Variants in TOM1L2 observed in about 807,000 individuals in gnomAD.
TOM1L2 encodes the protein TOM1-like protein 2.
Under a neutral mutation model 67.9 loss-of-function variants are expected in TOM1L2, and 31 were observed. The observed-to-expected ratio is 0.46, with a 90% CI of 0.34 to 0.62. TOM1L2 has a LOEUF of 0.62. TOM1L2 is among the 20% of genes least tolerant of loss of function. The probability of loss-of-function intolerance (pLI) is 0.01; values close to 1 mark genes in which losing one functional copy is unlikely to be tolerated. For synonymous variants in TOM1L2, 256 were observed against 254.0 expected, an observed-to-expected ratio of 1.01 and a Z score of -0.07; for missense variants, 606 against 663.5, an observed-to-expected ratio of 0.91 and a Z score of 0.95.
chr17:17,862,428 C>T, intron 11 of TOM1L2: 1 of 259,936 alleles, frequency 3.8e-6, no homozygotes, highest in South Asian at 6.8e-5. Flanking sequence ...AGGGTGGTGT[C>T]TGCAGCAGCA....
At chr17:17,948,741 C>G (rs973439787) in intron 1 of TOM1L2, among the ~76,000 whole-genome samples, 6 of 152,126 alleles carry the variant, frequency 3.9e-5, no homozygotes, top group Admixed American at 3.9e-4. Flanking sequence ...TCAGTTCACA[C>G]CCCCTCTTGC....
chr17:17,847,558 G>T lies in TOM1L2; in HGVS notation c.*77C>A. 2 of 1,523,486 alleles carry T rather than the reference G, an allele frequency of 1.3e-6. No homozygotes were observed. The highest frequency in any genetic ancestry group is 8.8e-7 in the Non-Finnish European group (1 of 1,137,532). 94.4% of individuals were successfully genotyped at this position (1,523,486 alleles called of 1,614,324 possible). A position where few individuals can be genotyped will look rare whatever the true frequency, so the allele number is the denominator to read the frequency against. ...GTGCAGGCCGTGTGGAGCTGGGGAT[G>T]TAGGAGTGGCCAGTGCCCGGTGTCC... is the stretch of plus-strand genomic sequence containing the variant. On this transcript the variant is annotated 3_prime_UTR_variant, in exon 15 of 15. Transcript: ENST00000379504.
intron 1 of TOM1L2, among the ~76,000 whole-genome samples, chr17:17,908,615 A>T (rs79905157): frequency 0.025 from 3,777 of 152,310 alleles, 131 homozygotes; most frequent in African/African-American, 0.08. Flanking sequence ...ATCCAATTAA[A>T]AAATGGGAAA....
At chr17:17,937,391 C>T (rs748251469) in intron 1 of TOM1L2, among the ~76,000 whole-genome samples, 2 of 152,216 alleles carry the variant, frequency 1.3e-5, no homozygotes, top group Non-Finnish European at 2.9e-5. Flanking sequence ...GAATAACCAG[C>T]CATGATCAAT....
Position 17,892,548 on chromosome 17 carries a change from T to C in TOM1L2, c.366+1113A>G, listed in dbSNP as rs539605716. 1.1e-3 allele frequency among the ~76,000 whole-genome samples: 163 copies of C among 152,256 alleles called. 2 individuals are homozygous for C. Among genetic ancestry groups the C allele is most frequent in the South Asian group, 5.2e-3 (25 of 4,820 alleles). ...TTCCCACTGCCTACAGGACCAAGCATGCCTCCTCAGCATGCATGGCCACTG... is the reference window on the plus strand; with the variant it reads ...TTCCCACTGCCTACAGGACCAAGCACGCCTCCTCAGCATGCATGGCCACTG... On this transcript the variant is annotated intron_variant, in intron 4 of 14. Coordinates refer to ENST00000379504, the MANE Select transcript of TOM1L2 (RefSeq NM_001082968.2).
intron 1 of TOM1L2, among the ~76,000 whole-genome samples, chr17:17,933,027 G>A (rs942406377): frequency 2.6e-5 from 4 of 152,072 alleles, no homozygotes; most frequent in East Asian, 1.9e-4. Flanking sequence ...ACTAACAGTC[G>A]TTTAAACAGA....
At chr17:17,861,763 G>C (rs2036572119) in intron 11 of TOM1L2, 1 of 522,342 alleles carries the variant, frequency 1.9e-6, no homozygotes. Flanking sequence ...TCCTAGCTCA[G>C]GCTGAGCCAC....
At chr17:17,959,740 A>G (rs1364116409) in intron 1 of TOM1L2, among the ~76,000 whole-genome samples, 1 of 152,158 alleles carries the variant, frequency 6.6e-6, no homozygotes, top group Non-Finnish European at 1.5e-5. Context: ...AAGACAGCCC[A>G]ATTCTCTGAG....
intron 9 of TOM1L2, among the ~76,000 whole-genome samples, 172 bp from the exon 10 acceptor site, chr17:17,866,591 T>G (rs2036863307): frequency 6.6e-6 from 1 of 152,182 alleles, no homozygotes; most frequent in Non-Finnish European, 1.5e-5. Flanking sequence ...TGGGCCTGGA[T>G]GTCAGTGAGC....
chr17:17,925,682 CAAAAAAAA>C (rs1193121320), intron 1 of TOM1L2, among the ~76,000 whole-genome samples: 14 of 79,712 alleles, frequency 1.8e-4, no homozygotes, highest in South Asian at 1.6e-3. Context: ...TCGTGTCTAC[CAAAAAAAA>C]AAAAAAAAAA....
At chr17:17,861,707 G>T (rs919844634) in intron 11 of TOM1L2, among the ~76,000 whole-genome samples, 156 bp from the exon 12 acceptor site, 10 of 152,092 alleles carry the variant, frequency 6.6e-5, no homozygotes, top group Admixed American at 1.3e-4. Flanking sequence ...AGAGGCTAAG[G>T]GCTCATGTTG....
chr17:17,969,842 T>C (rs937396386), intron 1 of TOM1L2, among the ~76,000 whole-genome samples: 1 of 144,998 alleles, frequency 6.9e-6, no homozygotes, highest in Admixed American at 7.1e-5. Context: ...ACTACATTAC[T>C]CTGTGAATAG....
chr17:17,924,917 A>G (rs568012941), intron 1 of TOM1L2, among the ~76,000 whole-genome samples: 8 of 152,174 alleles, frequency 5.3e-5, no homozygotes, highest in Non-Finnish European at 8.8e-5. Context: ...GTAGTTCCCA[A>G]TGCTGGAGGT....
intron 2 of TOM1L2, among the ~76,000 whole-genome samples, chr17:17,901,548 T>A (rs1204175208): frequency 6.6e-6 from 1 of 152,186 alleles, no homozygotes; most frequent in South Asian, 2.1e-4. Context: ...AGCCTTTGTA[T>A]CTTTGTCCTT....
chr17:17,848,218 AT>A (rs1159765362), intron 14 of TOM1L2, among the ~76,000 whole-genome samples: 2 of 152,074 alleles, frequency 1.3e-5, no homozygotes, highest in Non-Finnish European at 2.9e-5. Flanking sequence ...CCCCATTTCT[AT>A]GGGCACTGAG....
chr17:17,895,165 G>C (rs1048926690), intron 3 of TOM1L2, among the ~76,000 whole-genome samples: 6 of 152,078 alleles, frequency 3.9e-5, no homozygotes, highest in African/African-American at 1.4e-4. Flanking sequence ...GTGCCAACTG[G>C]GAGTGCTCTG....
chr17:17,953,966 G>A (rs1045800957), intron 1 of TOM1L2, among the ~76,000 whole-genome samples: 3 of 152,228 alleles, frequency 2.0e-5, no homozygotes, highest in African/African-American at 4.8e-5. Flanking sequence ...CATAGGACAG[G>A]GCAAGCATTG....
At chr17:17,938,095 C>G (rs2040581808) in intron 1 of TOM1L2, among the ~76,000 whole-genome samples, 1 of 152,152 alleles carries the variant, frequency 6.6e-6, no homozygotes, top group South Asian at 2.1e-4. Context: ...TGTGTTACTC[C>G]CTCTCACCCA....
At chr17:17,850,356 T>C (rs1487457523) in intron 13 of TOM1L2, among the ~76,000 whole-genome samples, 1 of 152,114 alleles carries the variant, frequency 6.6e-6, no homozygotes, top group Non-Finnish European at 1.5e-5. Flanking sequence ...CTTCTAGCCC[T>C]ATCTCTGAGG....
Sources: gnomAD v4.1 joint callset for allele counts (sites outside exome capture counted in the v4.1 genomes callset) on GRCh38, gnomAD v4.1.1 for gene constraint, MANE v1.5 for transcripts, NCBI Gene and HGNC (gene_info 2026-07-23, HGNC 2026-07-21) for gene names.